Variants in GRIK2 observed in about 807,000 individuals in gnomAD.
GRIK2 encodes glutamate receptor ionotropic, kainate 2.
In GRIK2, 32 loss-of-function variants were observed where a neutral mutation model predicts 100.3. The observed-to-expected ratio is 0.32, with a 90% confidence interval of 0.24 to 0.43. GRIK2 has a LOEUF of 0.43. Ranked by LOEUF, GRIK2 falls within the 20% of genes least tolerant of loss-of-function variation. The probability of loss-of-function intolerance (pLI) is 1.00; values close to 1 mark genes in which losing one functional copy is unlikely to be tolerated. For synonymous variants in GRIK2, 417 were observed against 389.4 expected, an observed-to-expected ratio of 1.07 and a Z score of -0.83; for missense variants, 843 against 1,114.9, an observed-to-expected ratio of 0.76 and a Z score of 3.47.
chr6:101,476,471 G>A (rs1417744944), intron 2 of GRIK2, among the ~76,000 whole-genome samples: 2 of 152,130 alleles, frequency 1.3e-5, no homozygotes, highest in Non-Finnish European at 2.9e-5. Flanking sequence ...TTGATAGAGA[G>A]TGTATTGGAG....
At chr6:101,887,549 C>T (rs572084550) in intron 11 of GRIK2, among the ~76,000 whole-genome samples, 1 of 152,182 alleles carries the variant, frequency 6.6e-6, no homozygotes, top group Non-Finnish European at 1.5e-5. Context: ...TTAGTCCATT[C>T]TCACACTGCT....
rs113906635 is a variant in GRIK2, at chr6:101,527,837, T to C, written c.116-94112T>C. The stretch of plus-strand genomic sequence containing the variant: ...TATCCACTCTTTTTCTCTAAGAAAA[T>C]TTTGGCAAGAGAGAGAACTGGTGGA... On this transcript the variant is annotated intron_variant, in intron 2 of 16. Transcript: ENST00000369134. Among the ~76,000 whole-genome samples, 10 of 152,258 alleles carry C rather than the reference T, an allele frequency of 6.6e-5. 1 individual carries two copies. Among genetic ancestry groups the C allele is most frequent in the African/African-American group, 2.4e-4 (10 of 41,534 alleles).
intron 7 of GRIK2, among the ~76,000 whole-genome samples, chr6:101,716,354 T>G (rs1774067261): frequency 6.6e-6 from 1 of 151,708 alleles, no homozygotes; most frequent in Non-Finnish European, 1.5e-5. Flanking sequence ...AATCTGGAAC[T>G]AAAATAGTAA....
In GRIK2 at chr6:101,533,412, A is replaced by AG. The variant is rs1262020560; in HGVS notation, c.116-88536dup. Reference sequence around the variant, plus strand: ...AAAAAAAAGCATTGATGTATATCAGAGAAAAAAATAGAAATTTAAAATCAG... The same window carrying AG: ...AAAAAAAAGCATTGATGTATATCAGAGGAAAAAAATAGAAATTTAAAATCAG... On this transcript the variant is annotated intron_variant, in intron 2 of 16. Transcript: ENST00000369134. Among the ~76,000 whole-genome samples, 11 of 68,468 alleles carry AG rather than the reference A, an allele frequency of 1.6e-4. No individual in the cohort carries two copies. The East Asian group carries it at 2.8e-3, about 17-fold the overall frequency. 44.9% of individuals were successfully genotyped at this position (68,468 alleles called of 152,430 possible). A position where few individuals can be genotyped will look rare whatever the true frequency, so the allele number is the denominator to read the frequency against.
At chr6:101,902,983 A>G (rs1196499763) in intron 12 of GRIK2, among the ~76,000 whole-genome samples, 1 of 151,834 alleles carries the variant, frequency 6.6e-6, no homozygotes, top group Non-Finnish European at 1.5e-5. Flanking sequence ...CAAGGAACCT[A>G]ACACCTCTAT....
At chr6:101,581,145 G>A (rs1353440114) in intron 2 of GRIK2, among the ~76,000 whole-genome samples, 1 of 150,354 alleles carries the variant, frequency 6.7e-6, no homozygotes, top group Non-Finnish European at 1.5e-5. Context: ...CAGAGGGACA[G>A]AATTAATAGG....
chr6:101,504,087 T>A (rs1562185745), intron 2 of GRIK2, among the ~76,000 whole-genome samples: 1 of 152,132 alleles, frequency 6.6e-6, no homozygotes, highest in African/African-American at 2.4e-5. Context: ...CAATATAATA[T>A]GTATAAAGTG....
At chr6:101,700,223 AT>A (rs1772789483) in intron 7 of GRIK2, among the ~76,000 whole-genome samples, 1 of 151,764 alleles carries the variant, frequency 6.6e-6, no homozygotes, top group Non-Finnish European at 1.5e-5. Context: ...ATAGAACTAA[AT>A]TAATAATAAT....
chr6:101,893,994 G>A, intron 12 of GRIK2, among the ~76,000 whole-genome samples: 1 of 150,972 alleles, frequency 6.6e-6, no homozygotes, highest in Non-Finnish European at 1.5e-5. Flanking sequence ...TATTTTGCTG[G>A]AGAGAAACAT....
At chr6:101,605,398 T>C (rs1018004736) in intron 2 of GRIK2, among the ~76,000 whole-genome samples, 4 of 152,032 alleles carry the variant, frequency 2.6e-5, no homozygotes, top group African/African-American at 4.8e-5. Flanking sequence ...CTTTCCTCCT[T>C]CTCTTCCTTT....
intron 7 of GRIK2, among the ~76,000 whole-genome samples, chr6:101,711,951 T>G (rs1226054105): frequency 6.6e-6 from 1 of 151,802 alleles, no homozygotes; most frequent in African/African-American, 2.4e-5. Context: ...AATATTCCTA[T>G]AACAATTGAT....
intron 2 of GRIK2, among the ~76,000 whole-genome samples, chr6:101,558,789 A>C (rs942785627): frequency 6.6e-6 from 1 of 151,570 alleles, no homozygotes; most frequent in African/African-American, 2.4e-5. Flanking sequence ...TTGTGTCTTC[A>C]ACCATTATAT....
chr6:101,531,168 A>T (rs578142159), intron 2 of GRIK2, among the ~76,000 whole-genome samples: 1 of 152,122 alleles, frequency 6.6e-6, no homozygotes, highest in South Asian at 2.1e-4. Flanking sequence ...AACCCATTAG[A>T]AATACGGATC....
intron 7 of GRIK2, among the ~76,000 whole-genome samples, chr6:101,780,267 C>G (rs996142492): frequency 6.6e-6 from 1 of 152,120 alleles, no homozygotes; most frequent in Non-Finnish European, 1.5e-5. Context: ...GATCTTCTCC[C>G]ACTAGTTTCC....
intron 11 of GRIK2, among the ~76,000 whole-genome samples, chr6:101,865,204 C>T (rs1183483114): frequency 6.6e-6 from 1 of 152,202 alleles, no homozygotes; most frequent in Non-Finnish European, 1.5e-5. Context: ...CTGTTGGAAT[C>T]TAATTCAGTA....
intron 2 of GRIK2, among the ~76,000 whole-genome samples, chr6:101,532,538 C>CTTTT (rs34312287): frequency 4.0e-4 from 58 of 146,204 alleles, no homozygotes; most frequent in Admixed American, 5.5e-4. Flanking sequence ...CTGGGGAGAC[C>CTTTT]TTTTTTTTTT....
chr6:101,543,552 A>G (rs74434990), intron 2 of GRIK2, among the ~76,000 whole-genome samples: 1,675 of 152,218 alleles, frequency 0.011, 38 homozygotes, highest in African/African-American at 0.039. Flanking sequence ...CATGATATTT[A>G]TATGTGTTAA....
At chr6:101,597,765 A>G (rs1778991984) in intron 2 of GRIK2, among the ~76,000 whole-genome samples, 1 of 151,672 alleles carries the variant, frequency 6.6e-6, no homozygotes, top group Admixed American at 6.6e-5. Flanking sequence ...CAAAGCAAGG[A>G]CGTTCTCTGT....
At chr6:101,560,948 T>TAG (rs1562226880) in intron 2 of GRIK2, among the ~76,000 whole-genome samples, 1 of 152,054 alleles carries the variant, frequency 6.6e-6, no homozygotes, top group Non-Finnish European at 1.5e-5. Context: ...ATGTCTATGC[T>TAG]AGAGAGAATG....
Sources: gnomAD v4.1 joint callset for allele counts (sites outside exome capture counted in the v4.1 genomes callset) on GRCh38, gnomAD v4.1.1 for gene constraint, MANE v1.5 for transcripts, NCBI Gene and HGNC (gene_info 2026-07-23, HGNC 2026-07-21) for gene names.